MRAP2: variants seen among roughly 807,000 people sequenced by gnomAD.
The protein encoded by MRAP2 is melanocortin-2 receptor accessory protein 2.
Under a neutral mutation model 17.4 loss-of-function variants are expected in MRAP2, and 20 were observed. The observed-to-expected ratio is 1.15, with a 90% CI of 0.81 to 1.67. MRAP2 has a LOEUF of 1.67. MRAP2 is among the 40% of genes most tolerant of loss of function. The probability of loss-of-function intolerance (pLI) is 0.00; values close to 1 mark genes in which losing one functional copy is unlikely to be tolerated. For synonymous variants in MRAP2, 96 were observed against 88.4 expected (o/e 1.09, Z -0.48); for missense variants, 238 against 240.0 (o/e 0.99, Z 0.05).
At chr6:84,136,579 A>T in the MRAP2 span, among the ~76,000 whole-genome samples, 2 of 152,166 alleles carry the variant, frequency 1.3e-5, no homozygotes, top group Admixed American at 6.5e-5. Context: ...ATTATAGGCT[A>T]TATGTATCTG....
At chr6:84,088,073 G>A (rs1390544316) in intron 3 of MRAP2, among the ~76,000 whole-genome samples, 1 of 152,116 alleles carries the variant, frequency 6.6e-6, no homozygotes, top group East Asian at 1.9e-4. Context: ...CTGAGTGATA[G>A]GATGGGAAGG....
chr6:84,119,573 C>T, the MRAP2 span, among the ~76,000 whole-genome samples: 1 of 152,142 alleles, frequency 6.6e-6, no homozygotes, highest in Non-Finnish European at 1.5e-5. Flanking sequence ...AATTCAAATC[C>T]CTGAGCTCAT....
downstream of MRAP2, among the ~76,000 whole-genome samples, chr6:84,095,003 T>C (rs1562896984): frequency 6.6e-6 from 1 of 152,202 alleles, no homozygotes; most frequent in Non-Finnish European, 1.5e-5. Flanking sequence ...CACTGCCCAT[T>C]GCCAACTCCA....
At chr6:84,060,720 C>G (rs1277829574) in intron 2 of MRAP2, among the ~76,000 whole-genome samples, 2 of 150,378 alleles carry the variant, frequency 1.3e-5, no homozygotes, top group Admixed American at 6.6e-5. Context: ...GAGTCTTGCT[C>G]TGTCACCCAG....
At chr6:84,062,506 C>A (rs2099493417) in intron 2 of MRAP2, 1 of 978,910 alleles carries the variant, frequency 1.0e-6, no homozygotes, top group African/African-American at 1.8e-5. Context: ...TAAAGTTTTT[C>A]TTTTAACAGT....
chr6:84,098,695 T>C, the MRAP2 span, among the ~76,000 whole-genome samples: 2 of 152,222 alleles, frequency 1.3e-5, no homozygotes, highest in Admixed American at 1.3e-4. Context: ...CATTTTTCAA[T>C]TGCATTTCTC....
intron 1 of MRAP2, among the ~76,000 whole-genome samples, chr6:84,043,721 G>C (rs2099488258): frequency 6.6e-6 from 1 of 152,154 alleles, no homozygotes; most frequent in South Asian, 2.1e-4. Context: ...TTGTGTGGCA[G>C]AGGATAGTTT....
the MRAP2 span, among the ~76,000 whole-genome samples, chr6:84,118,419 A>C: frequency 2.0e-5 from 3 of 151,702 alleles, no homozygotes; most frequent in South Asian, 4.2e-4. Flanking sequence ...GAGAGATCAG[A>C]GCTCTTTCTA....
the MRAP2 span, among the ~76,000 whole-genome samples, chr6:84,114,442 T>C: frequency 6.6e-6 from 1 of 152,116 alleles, no homozygotes; most frequent in African/African-American, 2.4e-5. Flanking sequence ...TCATTGATGT[T>C]CTCTAAACTG....
At chr6:84,049,653 T>G (rs1284964692) in intron 1 of MRAP2, among the ~76,000 whole-genome samples, 1 of 152,186 alleles carries the variant, frequency 6.6e-6, no homozygotes, top group Non-Finnish European at 1.5e-5. Flanking sequence ...GTGTAAAATA[T>G]TAAGTCCCAT....
At chr6:84,042,815 A>T (rs1350288712) in intron 1 of MRAP2, among the ~76,000 whole-genome samples, 4 of 152,238 alleles carry the variant, frequency 2.6e-5, no homozygotes, top group Non-Finnish European at 5.9e-5. Context: ...GCCTCAGAAG[A>T]TAAGATGGTC....
intron 2 of MRAP2, among the ~76,000 whole-genome samples, chr6:84,057,769 T>C (rs2099492058): frequency 1.3e-5 from 2 of 152,252 alleles, no homozygotes; most frequent in South Asian, 2.1e-4. Context: ...AATAGTTAAA[T>C]AGATAATGTC....
the MRAP2 span, among the ~76,000 whole-genome samples, chr6:84,104,074 T>C: frequency 6.6e-6 from 1 of 152,160 alleles, no homozygotes; most frequent in African/African-American, 2.4e-5. Flanking sequence ...CTTCCAACAA[T>C]CTTATAAAGC....
At chr6:84,103,538 G>C in the MRAP2 span, among the ~76,000 whole-genome samples, 1 of 152,156 alleles carries the variant, frequency 6.6e-6, no homozygotes, top group East Asian at 1.9e-4. Flanking sequence ...GCCCAGAGCT[G>C]GTGAAAGACC....
intron 2 of MRAP2, chr6:84,061,735 T>C: frequency 1.0e-6 from 1 of 978,540 alleles, no homozygotes; most frequent in Non-Finnish European, 1.2e-6. Flanking sequence ...CCTAGTTTGA[T>C]TGGAAACACA....
At chr6:84,079,391 G>T (rs912322204) in intron 3 of MRAP2, among the ~76,000 whole-genome samples, 4 of 152,162 alleles carry the variant, frequency 2.6e-5, no homozygotes, top group Non-Finnish European at 5.9e-5. Flanking sequence ...TTACCTAAAG[G>T]GGGTAGAAAT....
At chr6:84,094,203 C>T (rs1328465612), downstream of MRAP2, among the ~76,000 whole-genome samples, 7 of 152,134 alleles carry the variant, frequency 4.6e-5, no homozygotes, top group African/African-American at 7.2e-5. Context: ...GAGAGCCCCC[C>T]GTGTGATTTA....
At chr6:84,127,885 G>T in the MRAP2 span, among the ~76,000 whole-genome samples, 1 of 152,160 alleles carries the variant, frequency 6.6e-6, no homozygotes, top group African/African-American at 2.4e-5. Context: ...GGGCCACAGA[G>T]AATTCCTAAG....
At chr6:84,101,398 T>C in the MRAP2 span, among the ~76,000 whole-genome samples, 35 of 152,188 alleles carry the variant, frequency 2.3e-4, no homozygotes, top group Non-Finnish European at 4.1e-4. Context: ...CAGAAATTGT[T>C]TTAGCATCTG....
Sources: gnomAD v4.1 joint callset for allele counts (sites outside exome capture counted in the v4.1 genomes callset) on GRCh38, gnomAD v4.1.1 for gene constraint, MANE v1.5 for transcripts, NCBI Gene and HGNC (gene_info 2026-07-23, HGNC 2026-07-21) for gene names.